SMYD3: variants seen among roughly 807,000 people sequenced by gnomAD.
The protein encoded by SMYD3 is SET and MYND domain containing 3, also known as histone-lysine N-methyltransferase SMYD3.
Under a neutral mutation model 57.7 loss-of-function variants are expected in SMYD3, and 36 were observed. The observed-to-expected ratio is 0.62, with a 90% CI of 0.48 to 0.82. SMYD3 has a LOEUF of 0.82. Among genes scored for constraint, SMYD3 ranks in the 40% least tolerant of loss-of-function variants. SMYD3 has a pLI of 0.00. For missense variants in SMYD3, 515 were observed against 538.8 expected (o/e 0.96, Z 0.44); for synonymous variants, 211 against 195.0 (o/e 1.08, Z -0.68).
intron 5 of SMYD3, chr1:246,053,041 A>G: frequency 6.6e-6 from 1 of 152,592 alleles, no homozygotes; most frequent in Non-Finnish European, 1.5e-5. Context: ...GTTGAAGACC[A>G]GTCTGGGCAA....
At chr1:246,137,433 TGCAG>T (rs1274059800) in intron 5 of SMYD3, among the ~76,000 whole-genome samples, 9 of 152,214 alleles carry the variant, frequency 5.9e-5, no homozygotes, top group African/African-American at 2.2e-4. Context: ...ATTGTCAGAA[TGCAG>T]GAAGTATCAA....
intron 10 of SMYD3, among the ~76,000 whole-genome samples, chr1:245,839,129 A>G (rs2050256107): frequency 6.6e-6 from 1 of 152,072 alleles, no homozygotes; most frequent in Admixed American, 6.6e-5. Context: ...ACTCACTCTC[A>G]TTTTGAAACC....
intron 5 of SMYD3, among the ~76,000 whole-genome samples, chr1:246,314,122 T>C (rs575100321): frequency 2.0e-5 from 3 of 152,322 alleles, no homozygotes; most frequent in Admixed American, 2.0e-4. Context: ...GATTTGAATA[T>C]ATGAAGGACA....
chr1:245,794,233 T>A (rs1572352536), intron 10 of SMYD3, among the ~76,000 whole-genome samples: 1 of 152,260 alleles, frequency 6.6e-6, no homozygotes, highest in African/African-American at 2.4e-5. Flanking sequence ...AACTTCTCTC[T>A]GGGTTTACTT....
intron 1 of SMYD3, among the ~76,000 whole-genome samples, chr1:246,436,032 G>C (rs2067367288): frequency 6.6e-6 from 1 of 152,176 alleles, no homozygotes; most frequent in East Asian, 1.9e-4. Flanking sequence ...TGAAAACATG[G>C]GTTGGAAATA....
At chr1:245,930,431 G>A (rs535240367) in intron 5 of SMYD3, 16 of 329,854 alleles carry the variant, frequency 4.9e-5, no homozygotes, top group East Asian at 8.1e-5. Flanking sequence ...CGTCTGATGC[G>A]TGTTGGTGAA....
At chr1:245,893,263 G>A (rs1445643100) in intron 8 of SMYD3, among the ~76,000 whole-genome samples, 1 of 152,112 alleles carries the variant, frequency 6.6e-6, no homozygotes, top group African/African-American at 2.4e-5. Flanking sequence ...TTGCTGGTGG[G>A]AATTCAAAAC....
chr1:246,359,503 G>A (rs1410109902), intron 1 of SMYD3, among the ~76,000 whole-genome samples: 1 of 151,974 alleles, frequency 6.6e-6, no homozygotes, highest in African/African-American at 2.4e-5. Context: ...CAGGGAAGGA[G>A]TTAACAAAAA....
At chr1:246,252,478 G>C (rs1457950414) in intron 5 of SMYD3, among the ~76,000 whole-genome samples, 1 of 152,166 alleles carries the variant, frequency 6.6e-6, no homozygotes, top group Admixed American at 6.5e-5. Context: ...ACAGTAAGCA[G>C]TATGAAGAAA....
chr1:245,934,996 G>A (rs1255746083), intron 5 of SMYD3, among the ~76,000 whole-genome samples: 1 of 152,064 alleles, frequency 6.6e-6, no homozygotes, highest in African/African-American at 2.4e-5. Context: ...CAAACCTAAT[G>A]GACCCCTGAT....
intron 5 of SMYD3, among the ~76,000 whole-genome samples, chr1:246,305,742 T>G (rs771213617): frequency 6.6e-6 from 1 of 152,220 alleles, no homozygotes; most frequent in Non-Finnish European, 1.5e-5. Context: ...AAAAAAACAT[T>G]TTAAGGTTCC....
chr1:246,435,422 C>G (rs2103013749), intron 1 of SMYD3, among the ~76,000 whole-genome samples: 1 of 152,000 alleles, frequency 6.6e-6, no homozygotes, highest in African/African-American at 2.4e-5. Context: ...CATAAGTTAA[C>G]TGTTTTATTC....
At chr1:245,972,746 C>T (rs2058332212) in intron 5 of SMYD3, among the ~76,000 whole-genome samples, 1 of 152,226 alleles carries the variant, frequency 6.6e-6, no homozygotes, top group African/African-American at 2.4e-5. Flanking sequence ...CCTTTTTCCA[C>T]TTCTTGTGAA....
intron 5 of SMYD3, among the ~76,000 whole-genome samples, chr1:246,044,500 C>T (rs577252897): frequency 3.3e-5 from 5 of 152,180 alleles, no homozygotes; most frequent in African/African-American, 9.6e-5. Context: ...TTTGTAGGTA[C>T]GTAAAACCAG....
At chr1:245,987,827 C>T (rs1224592597) in intron 5 of SMYD3, among the ~76,000 whole-genome samples, 1 of 152,148 alleles carries the variant, frequency 6.6e-6, no homozygotes, top group Non-Finnish European at 1.5e-5. Context: ...ACATGGAAGA[C>T]AGAACAGCTT....
chr1:246,130,597 T>A (rs1331281181), intron 5 of SMYD3, among the ~76,000 whole-genome samples: 2 of 152,110 alleles, frequency 1.3e-5, no homozygotes, highest in Non-Finnish European at 2.9e-5. Flanking sequence ...TTTATTCTCG[T>A]TATATAACAA....
intron 1 of SMYD3, among the ~76,000 whole-genome samples, chr1:246,490,194 A>T (rs1479633545): frequency 6.6e-6 from 1 of 152,114 alleles, no homozygotes; most frequent in Non-Finnish European, 1.5e-5. Context: ...GCTGTGACAT[A>T]CTATTTCTGG....
chr1:246,328,693 T>C (rs2065400997), intron 4 of SMYD3, among the ~76,000 whole-genome samples: 1 of 151,654 alleles, frequency 6.6e-6, no homozygotes, highest in African/African-American at 2.4e-5. Context: ...TTATTTTTTC[T>C]TTTATTATTA....
intron 8 of SMYD3, among the ~76,000 whole-genome samples, chr1:245,909,422 TAGG>T (rs773459556): frequency 2.0e-5 from 3 of 151,856 alleles, no homozygotes; most frequent in African/African-American, 7.3e-5. Flanking sequence ...CCAGAAAAAT[TAGG>T]AGGAGGAAAT....
Sources: gnomAD v4.1 joint callset for allele counts (sites outside exome capture counted in the v4.1 genomes callset) on GRCh38, gnomAD v4.1.1 for gene constraint, MANE v1.5 for transcripts, NCBI Gene and HGNC (gene_info 2026-07-23, HGNC 2026-07-21) for gene names.